The following KAT6B variants were observed in gnomAD, a reference collection of about 807,000 sequenced individuals.
KAT6B encodes the protein lysine acetyltransferase 6B, also known as histone acetyltransferase KAT6B.
KAT6B carries 10 observed loss-of-function variants against 187.5 expected under a neutral mutation model. The observed-to-expected ratio is 0.05, with a 90% confidence interval of 0.03 to 0.09. KAT6B has a LOEUF of 0.09. Ranked by LOEUF, KAT6B falls within the 10% of genes least tolerant of loss-of-function variation. The pLI, the probability that KAT6B is intolerant of heterozygous loss-of-function variation, is 1.00. For synonymous variants in KAT6B, 861 were observed against 926.8 expected (o/e 0.93, Z 1.29); for missense variants, 1,952 against 2,558.9 (o/e 0.76, Z 5.12).
At chr10:75,005,014 G>C (rs968922363) in intron 13 of KAT6B, among the ~76,000 whole-genome samples, 1 of 151,990 alleles carries the variant, frequency 6.6e-6, no homozygotes, top group African/African-American at 2.4e-5. Context: ...TATGCCCTGA[G>C]CTGTTGTTAA....
At chr10:74,918,685 G>A (rs1434982905) in intron 3 of KAT6B, among the ~76,000 whole-genome samples, 1 of 152,128 alleles carries the variant, frequency 6.6e-6, no homozygotes, top group Non-Finnish European at 1.5e-5. Flanking sequence ...AGAGGTTGCA[G>A]TGAGCTGAGA....
intron 3 of KAT6B, among the ~76,000 whole-genome samples, chr10:74,948,625 A>G (rs1840105705): frequency 6.6e-6 from 1 of 152,252 alleles, no homozygotes; most frequent in Non-Finnish European, 1.5e-5. Flanking sequence ...GTTTTGTAGC[A>G]CCATATCTAA....
At chr10:74,868,432 T>C (rs1479735234) in intron 3 of KAT6B, among the ~76,000 whole-genome samples, 1 of 152,232 alleles carries the variant, frequency 6.6e-6, no homozygotes, top group African/African-American at 2.4e-5. Context: ...GGTTCTTAAT[T>C]GTTTTTAGTA....
chr10:74,955,383 T>TTCCCCC (rs1840601518), intron 3 of KAT6B, among the ~76,000 whole-genome samples: 1 of 101,396 alleles, frequency 9.9e-6, no homozygotes, highest in African/African-American at 3.9e-5. Context: ...CACAATTTTA[T>TTCCCCC]CCCCCCCCCC....
At chr10:75,009,216 T>C (rs751137535) in intron 13 of KAT6B, among the ~76,000 whole-genome samples, 3 of 152,226 alleles carry the variant, frequency 2.0e-5, no homozygotes, top group Non-Finnish European at 4.4e-5. Flanking sequence ...ACATGTCTAT[T>C]TGAGTTCCTG....
In KAT6B at chr10:75,029,489, G is replaced by A. The variant is rs1554845943; in HGVS notation, c.4665G>A (p.Gln1555=). ...VQSLTQESSE[Q]DDTFQDCAET... ...CTTTGACCCAGGAGAGCAGCGAACA[G>A]GACGACACCTTTCAGGATTGTGCCG... The change falls in exon 18 of 18, where the codon CAG becomes CAA. Residue 1555 remains glutamine (Q), a synonymous_variant. Transcript: ENST00000287239. This position sits in a 1 kb window ranked among gnomAD's most constrained non-coding sequence, Gnocchi z 6.2. 1.2e-6 allele frequency: 2 copies of A among 1,614,166 alleles called. No individual in the cohort carries two copies. The highest frequency in any genetic ancestry group is 2.2e-5 in the East Asian group (1 of 44,868).
chr10:75,012,621 C>T (rs1372862710), intron 13 of KAT6B, among the ~76,000 whole-genome samples: 1 of 152,174 alleles, frequency 6.6e-6, no homozygotes. Flanking sequence ...AACACAGGGG[C>T]GGTGCAGAGG....
rs765833061 is a variant in KAT6B at position 74,975,927 on chromosome 10, C to G, written c.1590C>G (p.Ser530=). 1.2e-6 allele frequency: 2 copies of G among 1,614,176 alleles called. No homozygotes were observed. Among genetic ancestry groups the G allele is most frequent in the South Asian group, 1.1e-5 (1 of 91,082 alleles). Residue 530 remains serine (S), a synonymous_variant, in exon 8 of 18, where the codon TCC becomes TCG. Transcript: ENST00000287239. The part of the protein sequence containing the change: ...QSSSSQCSVP[S]LSSLTTNSQL... Reference sequence around the variant, plus strand: ...CTTCCAGCCAGTGCAGTGTGCCCTCCCTGAGCAGCCTTACCACTAACAGCC... The same window carrying G: ...CTTCCAGCCAGTGCAGTGTGCCCTCGCTGAGCAGCCTTACCACTAACAGCC...
chr10:74,967,296 C>T (rs1370686126), intron 4 of KAT6B, among the ~76,000 whole-genome samples: 1 of 150,844 alleles, frequency 6.6e-6, no homozygotes, highest in Non-Finnish European at 1.5e-5. Flanking sequence ...CGCCACTGCA[C>T]TCCAGCCTGG....
At chr10:74,934,143 A>C (rs1849068446) in intron 3 of KAT6B, among the ~76,000 whole-genome samples, 1 of 141,112 alleles carries the variant, frequency 7.1e-6, no homozygotes, top group Non-Finnish European at 1.5e-5. Context: ...CCGAGATCGC[A>C]CCATTGCACT....
In KAT6B at chr10:74,946,444, T is replaced by G. The variant is rs1055825387; in HGVS notation, c.622-13526T>G. 2.0e-5 allele frequency among the ~76,000 whole-genome samples: 3 copies of G among 152,228 alleles called. No homozygotes were observed. In the East Asian group the frequency reaches 5.8e-4, roughly 29 times the overall value. ...CACATATTCTAAAAAATAATGTTCA[T>G]AGTGATTTTTAAAATTTTAGCCCTG... On this transcript the variant is annotated intron_variant, in intron 3 of 17. Coordinates refer to ENST00000287239, the MANE Select transcript of KAT6B (RefSeq NM_012330.4).
chr10:75,029,316 G>T lies in KAT6B; in HGVS notation c.4492G>T (p.Ala1498Ser), dbSNP rs760653122. ...CAAGGAGCTTGCTGGGGACCCTGAA[G>T]CTGTACCCGAATCTGACGAGGAGCC... ...EPKELAGDPE[A>S]VPESDEEPPP... The change falls in exon 18 of 18, where the codon GCT becomes TCT. Residue 1498 changes from alanine (A) to serine (S), a missense_variant. Around this residue, in one of 9 missense-constraint regions of KAT6B, gnomAD observed 758 missense variants for 891.4 expected, o/e 0.85. Transcript: ENST00000287239. The surrounding 1 kb of genome is among the most constrained non-coding windows in gnomAD (Gnocchi z 6.2). 2 of 1,614,104 alleles carry T rather than the reference G, an allele frequency of 1.2e-6. No homozygotes were observed. The highest frequency in any genetic ancestry group is 1.7e-6 in the Non-Finnish European group (2 of 1,180,022).
At chr10:74,985,264 C>G in intron 12 of KAT6B, 23 bp downstream of exon 12, 1 of 1,612,464 alleles carries the variant, frequency 6.2e-7, no homozygotes, top group Non-Finnish European at 8.5e-7. Context: ...CCAGCATGAC[C>G]TTCATTTTCT....
chr10:74,918,259 T>G (rs1228650348), intron 3 of KAT6B, among the ~76,000 whole-genome samples: 3 of 152,202 alleles, frequency 2.0e-5, no homozygotes, highest in African/African-American at 4.8e-5. Context: ...GTGAGAGAGA[T>G]ATAGCAGCAA....
At chr10:74,838,198 A>G (rs1011285555) in intron 1 of KAT6B, among the ~76,000 whole-genome samples, 3 of 152,164 alleles carry the variant, frequency 2.0e-5, no homozygotes, top group African/African-American at 7.2e-5. Context: ...CTTATTGGTC[A>G]TATCTGGGTA....
At chr10:74,994,917 A>T (rs1843334346) in intron 13 of KAT6B, among the ~76,000 whole-genome samples, 1 of 152,278 alleles carries the variant, frequency 6.6e-6, no homozygotes, top group African/African-American at 2.4e-5. Flanking sequence ...GATAGCATGC[A>T]TATTTATATC....
chr10:74,881,405 T>C (rs1564539829), intron 3 of KAT6B, among the ~76,000 whole-genome samples: 1 of 152,218 alleles, frequency 6.6e-6, no homozygotes, highest in East Asian at 1.9e-4. Context: ...AGTAAGGTGC[T>C]GGCCTGTACC....
chr10:74,990,299 G>A (rs1219633988), intron 13 of KAT6B, among the ~76,000 whole-genome samples: 1 of 151,102 alleles, frequency 6.6e-6, no homozygotes, highest in East Asian at 1.9e-4. Context: ...ACTGAAAGGA[G>A]GAAAATTTAG....
chr10:75,008,071 TC>T (rs1589799393), intron 13 of KAT6B, among the ~76,000 whole-genome samples: 1 of 152,212 alleles, frequency 6.6e-6, no homozygotes, highest in East Asian at 1.9e-4. Context: ...TCACTTTCAC[TC>T]TTAAACTTAG....
Sources: allele counts gnomAD v4.1 joint callset (sites outside exome capture counted in the v4.1 genomes callset), GRCh38; gene constraint gnomAD v4.1.1; regional missense constraint gnomAD v4.1.1; non-coding constraint Gnocchi (gnomAD v3.1); transcripts MANE v1.5; gene names NCBI Gene and HGNC (gene_info 2026-07-23, HGNC 2026-07-21).